PCDHA6: variants seen among roughly 807,000 people sequenced by gnomAD.
The protein encoded by PCDHA6 is protocadherin alpha-6.
Under a neutral mutation model 60.3 loss-of-function variants are expected in PCDHA6, and 55 were observed. The observed-to-expected ratio is 0.91, with a 90% CI of 0.73 to 1.14. The LOEUF is 1.14. PCDHA6 is among the 50% of genes most tolerant of loss of function. The pLI is 0.00. For synonymous variants in PCDHA6, 652 were observed against 557.9 expected (o/e 1.17, Z -2.38); for missense variants, 1,327 against 1,256.5 (o/e 1.06, Z -0.85).
intron 1 of PCDHA6, among the ~76,000 whole-genome samples, chr5:140,839,582 G>A (rs965029185): frequency 6.6e-6 from 1 of 151,908 alleles, no homozygotes; most frequent in African/African-American, 2.4e-5. Flanking sequence ...TAGAGATGGG[G>A]TCTTACCATG....
At chr5:140,883,871 G>A (rs1554180366) in intron 1 of PCDHA6, 2 of 1,613,242 alleles carry the variant, frequency 1.2e-6, no homozygotes, top group African/African-American at 2.7e-5. Context: ...GCAGTTCCAG[G>A]TGAGCGCGCG....
Position 140,935,377 on chromosome 5 carries a change from C to T in PCDHA6, c.2395-43572C>T, listed in dbSNP as rs139207351. On this transcript the variant is annotated intron_variant, in intron 1 of 3. Coordinates refer to ENST00000529310, the MANE Select transcript of PCDHA6 (RefSeq NM_018909.4). ...GTTTTCATTAACGTCAACAGAATTA[C>T]TCATTTGTTATCCCACGGGACTCAA... is the stretch of plus-strand genomic sequence containing the variant. Among the ~76,000 whole-genome samples the T allele has an allele frequency of 1.3e-4, 20 of 152,332 alleles. No individual in the cohort carries two copies. In the East Asian group the frequency reaches 3.1e-3, roughly 23 times the overall value.
chr5:140,851,794 T>A, intron 1 of PCDHA6: 1 of 954,488 alleles, frequency 1.0e-6, no homozygotes, highest in Non-Finnish European at 1.3e-6. Flanking sequence ...ATTCACTTGT[T>A]CTGTCAGTAA....
chr5:140,878,084 T>C (rs782330226), intron 1 of PCDHA6: 82 of 330,796 alleles, frequency 2.5e-4, no homozygotes, highest in Admixed American at 2.3e-4. Flanking sequence ...TATAATATTT[T>C]ATATGACTGA....
At chr5:140,943,479 TAATA>T (rs1447671932) in intron 1 of PCDHA6, among the ~76,000 whole-genome samples, 1 of 151,960 alleles carries the variant, frequency 6.6e-6, no homozygotes, top group African/African-American at 2.4e-5. Context: ...TACAGTAAAA[TAATA>T]AATAGATGCT....
chr5:140,834,301 G>A (rs2150215052), intron 1 of PCDHA6: 1 of 1,289,234 alleles, frequency 7.8e-7, no homozygotes, highest in Non-Finnish European at 1.1e-6. Flanking sequence ...GCCACACATC[G>A]AGATTGAAAT....
intron 1 of PCDHA6, chr5:140,843,594 T>G: frequency 6.3e-7 from 1 of 1,595,928 alleles, no homozygotes; most frequent in Middle Eastern, 1.7e-4. Context: ...CCGCAGAGGG[T>G]GTGCTCTGGT....
intron 1 of PCDHA6, among the ~76,000 whole-genome samples, chr5:140,838,064 G>T (rs1775403282): frequency 1.1e-5 from 1 of 88,812 alleles, no homozygotes; most frequent in African/African-American, 5.5e-5. Flanking sequence ...TCCACTTTAA[G>T]TTATATATAT....
At chr5:140,909,087 T>G (rs2074309493) in intron 1 of PCDHA6, among the ~76,000 whole-genome samples, 1 of 152,234 alleles carries the variant, frequency 6.6e-6, no homozygotes, top group Admixed American at 6.5e-5. Flanking sequence ...TGTTTGCTAC[T>G]TCTCACTCAC....
intron 1 of PCDHA6, among the ~76,000 whole-genome samples, chr5:140,953,652 G>A (rs2094921965): frequency 6.6e-6 from 1 of 152,102 alleles, no homozygotes; most frequent in South Asian, 2.1e-4. Context: ...AGCTATAGTT[G>A]TTATCTCTGG....
In PCDHA6 at chr5:140,829,836, C is replaced by T. The variant is rs2150175782; in HGVS notation, c.1745C>T (p.Pro582Leu). The part of the protein sequence containing the change: ...GTGGAVSELV[P>L]RSLGAGQVVA... ...GGTGGTGCAGTGAGCGAGCTGGTGC[C>T]GCGGTCACTGGGTGCAGGCCAAGTG... Residue 582 changes from proline (P) to leucine (L), a missense_variant, in exon 1 of 4, where the codon CCG becomes CTG. Physicochemically the swap from Pro to Leu is moderately conservative, Grantham distance 98. Coordinates refer to ENST00000529310, the MANE Select transcript of PCDHA6 (RefSeq NM_018909.4). The T allele has an allele frequency of 1.7e-5, 27 of 1,613,772 alleles. No homozygotes were observed. Among genetic ancestry groups the T allele is most frequent in the Non-Finnish European group, 2.3e-5 (27 of 1,179,892 alleles).
At chr5:140,927,236 T>A in intron 1 of PCDHA6, 3 of 1,614,120 alleles carry the variant, frequency 1.9e-6, no homozygotes, top group Non-Finnish European at 2.5e-6. Context: ...ATTCACGTCC[T>A]GGACACCAAT....
At chr5:140,841,903 C>A in intron 1 of PCDHA6, 5 of 1,613,800 alleles carry the variant, frequency 3.1e-6, no homozygotes, top group Non-Finnish European at 4.2e-6. Flanking sequence ...TGGTTGAGCT[C>A]GTATTAAGAA....
chr5:140,945,022 A>G (rs926595272), intron 1 of PCDHA6, among the ~76,000 whole-genome samples: 2 of 152,140 alleles, frequency 1.3e-5, no homozygotes, highest in Non-Finnish European at 2.9e-5. Flanking sequence ...TTTTTTACTC[A>G]GACATAATTA....
intron 3 of PCDHA6, among the ~76,000 whole-genome samples, chr5:140,991,094 A>G (rs144874764): frequency 9.8e-4 from 150 of 152,358 alleles, no homozygotes; most frequent in African/African-American, 3.5e-3. Context: ...ATTAAAGCTC[A>G]TAAGAATTAA....
At chr5:140,853,465 C>A in intron 1 of PCDHA6, 2 of 970,762 alleles carry the variant, frequency 2.1e-6, no homozygotes, top group Non-Finnish European at 2.5e-6. Context: ...TTATATGCAT[C>A]TGTAGTTAAC....
chr5:140,977,084 A>C lies in PCDHA6; in HGVS notation c.2395-1865A>C, dbSNP rs545652987. On this transcript the variant is annotated intron_variant, in intron 1 of 3. Coordinates refer to ENST00000529310, the MANE Select transcript of PCDHA6 (RefSeq NM_018909.4). ...TAGAAAATAGCAGCATGACAAATTA[A>C]ATGTGTCATTGGGGAAGTGAGATTG... is the stretch of plus-strand genomic sequence containing the variant. 2.0e-5 allele frequency among the ~76,000 whole-genome samples: 3 copies of C among 152,336 alleles called. No individual in the cohort carries two copies. The East Asian group carries it at 5.8e-4, about 29-fold the overall frequency.
rs35252606 is a variant in PCDHA6, at chr5:140,912,343, ATT to A, written c.2395-66592_2395-66591del. The stretch of plus-strand genomic sequence containing the variant: ...CTCAGTATTAACCAGTACACTAAGT[ATT>A]TTTTTTTTTTTTTGCAGCTGTTGTA... On this transcript the variant is annotated intron_variant, in intron 1 of 3. Transcript: ENST00000529310. 3.7e-3 allele frequency among the ~76,000 whole-genome samples: 528 copies of A among 143,760 alleles called. 4 individuals are homozygous for A. The highest frequency in any genetic ancestry group is 8.3e-3 in the East Asian group (41 of 4,940). 94.3% of individuals were successfully genotyped at this position (143,760 alleles called of 152,430 possible).
chr5:140,888,322 C>T (rs983342995), intron 1 of PCDHA6, among the ~76,000 whole-genome samples: 23 of 152,148 alleles, frequency 1.5e-4, no homozygotes, highest in African/African-American at 5.6e-4. Context: ...TGCCTGGATA[C>T]ATTTTTGGTT....
Sources: allele counts gnomAD v4.1 joint callset (sites outside exome capture counted in the v4.1 genomes callset), GRCh38; gene constraint gnomAD v4.1.1; transcripts MANE v1.5; gene names NCBI Gene and HGNC (gene_info 2026-07-23, HGNC 2026-07-21).